The following CNTN6 variants were observed in gnomAD, a reference collection of about 807,000 sequenced individuals.
The protein encoded by CNTN6 is contactin 6.
CNTN6 carries 137 observed loss-of-function variants against 122.8 expected under a neutral mutation model. The observed-to-expected ratio is 1.12, with a 90% CI of 0.97 to 1.29. The LOEUF (loss-of-function observed/expected upper bound fraction) is 1.29. Among genes scored for constraint, CNTN6 ranks in the 50% most tolerant of loss-of-function variants. The pLI, the probability that CNTN6 is intolerant of heterozygous loss-of-function variation, is 0.00. For missense variants in CNTN6, 1,634 were observed against 1,223.4 expected (o/e 1.34, Z -5.01); for synonymous variants, 570 against 426.0 (o/e 1.34, Z -4.16).
intron 2 of CNTN6, among the ~76,000 whole-genome samples, chr3:1,170,859 C>A (rs1329442717): frequency 6.6e-6 from 1 of 152,188 alleles, no homozygotes; most frequent in African/African-American, 2.4e-5. Context: ...ACAAACCTTG[C>A]TTAGCATCTA....
chr3:1,174,911 A>G (rs1575120633), intron 2 of CNTN6, among the ~76,000 whole-genome samples: 1 of 152,164 alleles, frequency 6.6e-6, no homozygotes, highest in East Asian at 1.9e-4. Context: ...ACACAGACAC[A>G]CTCCCAAGCA....
Position 1,402,344 on chromosome 3 carries a change from TA to T in CNTN6, c.2848del (p.Thr950LeufsTer22). ...TTCTGTACCGGCAAAACAGACAGAG[TA>T]AAACTCATATTTTGGAAACAAACAA... is the stretch of plus-strand genomic sequence containing the variant. ...KILYRQNRQS[K>X]THILETNNTS... On this transcript the variant is annotated frameshift_variant, in exon 22 of 23. Transcript: ENST00000446702. LOFTEE classifies it high-confidence loss of function. The T allele has an allele frequency of 6.2e-7, 1 of 1,610,780 alleles. No individual in the cohort carries two copies. The highest frequency in any genetic ancestry group is 8.5e-7 in the Non-Finnish European group (1 of 1,178,566).
chr3:1,113,676 A>T (rs926986356), intron 1 of CNTN6, among the ~76,000 whole-genome samples: 6 of 152,096 alleles, frequency 3.9e-5, no homozygotes, highest in African/African-American at 1.4e-4. Flanking sequence ...GTTTAAGGGG[A>T]TGGACTCAGG....
At chr3:1,344,661 T>C (rs1044958199) in intron 11 of CNTN6, among the ~76,000 whole-genome samples, 14 of 152,184 alleles carry the variant, frequency 9.2e-5, no homozygotes, top group African/African-American at 3.4e-4. Flanking sequence ...ATTTGCAAAT[T>C]ATAAACATTT....
chr3:1,163,156 G>A (rs1289080822), intron 2 of CNTN6, among the ~76,000 whole-genome samples: 2 of 152,132 alleles, frequency 1.3e-5, no homozygotes, highest in African/African-American at 2.4e-5. Flanking sequence ...TGAGGACAAC[G>A]CAGCTTGTTT....
Position 1,385,907 on chromosome 3 carries a change from TTTGGTTAG to T in CNTN6, c.2704+117_2704+124del. On this transcript the variant is annotated intron_variant, in intron 20 of 22. Transcript: ENST00000446702. ...CCTCATTTCTTTACTAATTGGTTACTTTGGTTAGTTGGTTTGTCCCTTAAATATGGATA... is the reference window on the plus strand; with the variant it reads ...CCTCATTTCTTTACTAATTGGTTACTTTGGTTTGTCCCTTAAATATGGATA... The T allele has an allele frequency of 4.6e-6, 5 of 1,095,628 alleles. No homozygotes were observed. The African/African-American group carries it at 6.4e-5, about 14-fold the overall frequency. The allele number at this position is 1,095,628 out of a possible 1,614,324, so 67.9% of individuals were successfully genotyped here. A position where few individuals can be genotyped will look rare whatever the true frequency, so the allele number is the denominator to read the frequency against.
chr3:1,317,404 C>G (rs1276633088), intron 7 of CNTN6, among the ~76,000 whole-genome samples: 1 of 151,610 alleles, frequency 6.6e-6, no homozygotes, highest in Non-Finnish European at 1.5e-5. Flanking sequence ...ATGAATACAG[C>G]AGGAAAATGA....
intron 1 of CNTN6, among the ~76,000 whole-genome samples, chr3:1,098,760 A>G (rs1038334959): frequency 3.5e-5 from 2 of 56,686 alleles, no homozygotes; most frequent in Non-Finnish European, 5.7e-5. Context: ...AGTAATGCAC[A>G]CACACACACA....
intron 20 of CNTN6, among the ~76,000 whole-genome samples, chr3:1,391,279 T>C (rs1444852835): frequency 8.3e-6 from 1 of 120,760 alleles, no homozygotes; most frequent in African/African-American, 3.6e-5. Flanking sequence ...TAATCCAGCA[T>C]ATAAACAGAG....
At chr3:1,402,688 C>A in intron 22 of CNTN6, 1 of 409,542 alleles carries the variant, frequency 2.4e-6, no homozygotes, top group Non-Finnish European at 4.3e-6. Flanking sequence ...TATGCTTCCT[C>A]ATTTGAAAAC....
At chr3:1,171,973 T>G (rs2093365570) in intron 2 of CNTN6, among the ~76,000 whole-genome samples, 1 of 152,154 alleles carries the variant, frequency 6.6e-6, no homozygotes, top group Admixed American at 6.5e-5. Context: ...TGCCTTCTCA[T>G]AAAGCCTCAG....
chr3:1,314,722 AT>A (rs955772141), intron 7 of CNTN6, among the ~76,000 whole-genome samples: 2 of 152,016 alleles, frequency 1.3e-5, no homozygotes, highest in Non-Finnish European at 2.9e-5. Flanking sequence ...AAAAGTCCAT[AT>A]TTATGGCAAT....
At chr3:1,096,493 A>G (rs562778391) in intron 1 of CNTN6, among the ~76,000 whole-genome samples, 172 of 152,194 alleles carry the variant, frequency 1.1e-3, no homozygotes, top group African/African-American at 4.0e-3. Context: ...TCATTTGTCT[A>G]CTTTCCACAT....
Position 1,383,084 on chromosome 3 carries a change from C to T in CNTN6, c.2309C>T (p.Pro770Leu), listed in dbSNP as rs1162015371. ...RFVYRNESII[P>L]LSPFEVKVGV... ...GTCTACAGAAATGAAAGCATCATCC[C>T]ACTGTCTCCCTTTGAAGTCAAAGTG... The change falls in exon 18 of 23, where the codon CCA (proline) becomes CTA (leucine). Residue 770 changes from proline to leucine, a missense_variant. Physicochemically the swap from Pro to Leu is moderately conservative, Grantham distance 98. Transcript: ENST00000446702. 1.2e-6 allele frequency: 2 copies of T among 1,614,010 alleles called. No homozygotes were observed. The highest frequency in any genetic ancestry group is 1.7e-5 in the Admixed American group (1 of 59,992).
chr3:1,198,439 C>T (rs2093809747), intron 2 of CNTN6, among the ~76,000 whole-genome samples: 1 of 152,104 alleles, frequency 6.6e-6, no homozygotes, highest in African/African-American at 2.4e-5. Flanking sequence ...TGAAAAAATG[C>T]TGGCCAGGCA....
At chr3:1,124,072 T>C (rs994581654) in intron 1 of CNTN6, among the ~76,000 whole-genome samples, 6 of 152,120 alleles carry the variant, frequency 3.9e-5, no homozygotes, top group African/African-American at 1.2e-4. Context: ...TTTAATATTC[T>C]GTTGGACTAG....
At chr3:1,383,537 G>A (rs181604531) in intron 19 of CNTN6, 129 bp downstream of exon 19, 1 of 693,880 alleles carries the variant, frequency 1.4e-6, no homozygotes, top group Non-Finnish European at 2.4e-6. Flanking sequence ...CTAAAGCAGA[G>A]AATGAAGTTG....
chr3:1,243,325 T>C (rs573978622), intron 4 of CNTN6, among the ~76,000 whole-genome samples: 1,726 of 151,850 alleles, frequency 0.011, 36 homozygotes, highest in African/African-American at 0.038. Flanking sequence ...GCGGTTCAGG[T>C]GTTTGGAAGT....
intron 11 of CNTN6, among the ~76,000 whole-genome samples, chr3:1,334,996 A>G (rs1702838423): frequency 6.6e-6 from 1 of 152,126 alleles, no homozygotes; most frequent in Non-Finnish European, 1.5e-5. Flanking sequence ...TAAAGTGTTA[A>G]GCCAGATAGC....
Sources: allele counts gnomAD v4.1 joint callset (sites outside exome capture counted in the v4.1 genomes callset), GRCh38; gene constraint gnomAD v4.1.1; transcripts MANE v1.5; gene names NCBI Gene and HGNC (gene_info 2026-07-23, HGNC 2026-07-21).